The following ZNF697 variants were observed in gnomAD, a reference collection of about 807,000 sequenced individuals.
ZNF697 encodes zinc finger protein 697.
In ZNF697, 23 loss-of-function variants were observed where a neutral mutation model predicts 32.4. That is an observed-to-expected ratio of 0.71 (90% CI 0.51 to 1.01). The LOEUF is 1.01. Ranked by LOEUF, ZNF697 falls within the 50% of genes least tolerant of loss-of-function variation. The pLI, the probability that ZNF697 is intolerant of heterozygous loss-of-function variation, is 0.00. For missense variants in ZNF697, 930 were observed against 794.0 expected, an observed-to-expected ratio of 1.17 and a Z score of -2.06; for synonymous variants, 418 against 337.2, an observed-to-expected ratio of 1.24 and a Z score of -2.62.
intron 2 of ZNF697, among the ~76,000 whole-genome samples, chr1:119,625,500 A>T (rs1159308010): frequency 1.3e-5 from 2 of 152,232 alleles, no homozygotes; most frequent in African/African-American, 4.8e-5. Context: ...TCCTATTTGC[A>T]CAGTACTGTG....
intron 2 of ZNF697, among the ~76,000 whole-genome samples, chr1:119,625,045 C>G (rs1454681674): frequency 6.6e-6 from 1 of 151,720 alleles, no homozygotes; most frequent in Non-Finnish European, 1.5e-5. Flanking sequence ...GCTGGTGAGC[C>G]CAGGTTAGAG....
intron 1 of ZNF697, among the ~76,000 whole-genome samples, chr1:119,629,087 T>A (rs1648688250): frequency 6.6e-6 from 1 of 152,202 alleles, no homozygotes; most frequent in Non-Finnish European, 1.5e-5. Flanking sequence ...CAGGGATACA[T>A]ACCCTTGCAA....
At chr1:119,636,365 G>C (rs944925158) in intron 1 of ZNF697, among the ~76,000 whole-genome samples, 2 of 152,106 alleles carry the variant, frequency 1.3e-5, no homozygotes, top group African/African-American at 2.4e-5. Context: ...CAAAAACCCT[G>C]TTATAAACCA....
In ZNF697 at chr1:119,623,580, G is replaced by T. The variant is rs905703833; in HGVS notation, c.763C>A (p.Pro255Thr). The change falls in exon 3 of 3, where the codon CCC (proline) becomes ACC (threonine). Residue 255 changes from proline (P) to threonine (T), a missense_variant. Physicochemically the swap from Pro to Thr is conservative, Grantham distance 38. Coordinates refer to ENST00000421812, the MANE Select transcript of ZNF697 (RefSeq NM_001080470.2). The part of the protein sequence containing the change: ...GFGAGPPLAR[P>T]PREKPFRCGE... ...CAGCGGAAGGGCTTTTCGCGCGGGG[G>T]CCGGGCCAGCGGGGGCCCGGCCCCG... is the stretch of plus-strand genomic sequence containing the variant. 8 of 1,453,386 alleles carry T rather than the reference G, an allele frequency of 5.5e-6. No homozygotes were observed. In the African/African-American group the frequency reaches 1.2e-4, roughly 22 times the overall value. The allele number at this position is 1,453,386 out of a possible 1,614,324, so 90.0% of individuals were successfully genotyped here.
chr1:119,624,922 G>A (rs1648529133), intron 2 of ZNF697, among the ~76,000 whole-genome samples: 1 of 141,212 alleles, frequency 7.1e-6, no homozygotes, highest in Non-Finnish European at 1.5e-5. Context: ...CATTTGGTCA[G>A]TCTGAAACAG....
intron 1 of ZNF697, among the ~76,000 whole-genome samples, chr1:119,631,349 C>T (rs755239004): frequency 2.2e-4 from 34 of 152,238 alleles, no homozygotes; most frequent in Non-Finnish European, 4.1e-4. Context: ...AGAGGTAAAT[C>T]AGGGTGACCC....
rs1278688773 is a variant in ZNF697, at chr1:119,622,675, C to T, written c.*30G>A. On this transcript the variant is annotated 3_prime_UTR_variant, in exon 3 of 3. Coordinates refer to ENST00000421812, the MANE Select transcript of ZNF697 (RefSeq NM_001080470.2). Reference sequence around the variant, plus strand: ...AGGATATCTACCCCCCACAGGCTCCCCAGACGGCAGCCTCCCGCGGACCCA... The same window carrying T: ...AGGATATCTACCCCCCACAGGCTCCTCAGACGGCAGCCTCCCGCGGACCCA... 2 of 1,483,998 alleles carry T rather than the reference C, an allele frequency of 1.3e-6. No homozygotes were observed. The allele number at this position is 1,483,998 out of a possible 1,614,324, so 91.9% of individuals were successfully genotyped here. A position where few individuals can be genotyped will look rare whatever the true frequency, so the allele number is the denominator to read the frequency against.
rs587731398 is a variant in ZNF697 at position 119,622,039 on chromosome 1, G to C, written c.*666C>G. On this transcript the variant is annotated 3_prime_UTR_variant, in exon 3 of 3. Coordinates refer to ENST00000421812, the MANE Select transcript of ZNF697 (RefSeq NM_001080470.2). The stretch of plus-strand genomic sequence containing the variant: ...GACAGAATCAGGATTTCCCACATCA[G>C]AGAACCAGTTATAAATGAATTTCTA... 2.0e-5 allele frequency: 3 copies of C among 152,650 alleles called. No individual in the cohort carries two copies. The highest frequency in any genetic ancestry group is 4.4e-5 in the Non-Finnish European group (3 of 68,050). 9.5% of individuals were successfully genotyped at this position (152,650 alleles called of 1,614,324 possible).
intron 2 of ZNF697, 118 bp downstream of exon 2, chr1:119,625,757 A>G: frequency 7.4e-7 from 1 of 1,345,948 alleles, no homozygotes; most frequent in Non-Finnish European, 1.0e-6. Flanking sequence ...AATCCTGCTT[A>G]ATGGTCCCCT....
chr1:119,622,809 G>C lies in ZNF697; in HGVS notation c.1534C>G (p.Arg512Gly). The C allele has an allele frequency of 6.3e-7, 1 of 1,599,336 alleles. No individual in the cohort carries two copies. Among genetic ancestry groups the C allele is most frequent in the Non-Finnish European group, 8.5e-7 (1 of 1,172,240 alleles). ...FIQSSHLIRH[R>G]RIHTGNKPHK... ...GGCTTGTTGCCCGTGTGGATGCGGC[G>C]GTGGCGGATCAGGTGGGAGCTCTGG... The change falls in exon 3 of 3, where the codon CGC becomes GGC. Residue 512 changes from arginine to glycine, a missense_variant. Arg to Gly is a moderately radical substitution (Grantham distance 125). Coordinates refer to ENST00000421812, the MANE Select transcript of ZNF697 (RefSeq NM_001080470.2).
At chr1:119,638,826 T>C (rs897395507) in intron 1 of ZNF697, among the ~76,000 whole-genome samples, 1 of 152,188 alleles carries the variant, frequency 6.6e-6, no homozygotes, top group African/African-American at 2.4e-5. Context: ...CTGTCCCGCA[T>C]GTCCCATGTG....
At chr1:119,631,189 C>T (rs1384912893) in intron 1 of ZNF697, among the ~76,000 whole-genome samples, 1 of 152,240 alleles carries the variant, frequency 6.6e-6, no homozygotes, top group Non-Finnish European at 1.5e-5. Context: ...GCGCAGCTGC[C>T]GCCTCGCTGA....
intron 1 of ZNF697, among the ~76,000 whole-genome samples, chr1:119,633,996 G>A (rs1394833651): frequency 6.6e-6 from 1 of 152,172 alleles, no homozygotes; most frequent in Non-Finnish European, 1.5e-5. Context: ...TTCACTGAAG[G>A]ACAAAAGAGA....
At chr1:119,629,347 A>C (rs1277951357) in intron 1 of ZNF697, among the ~76,000 whole-genome samples, 7 of 152,356 alleles carry the variant, frequency 4.6e-5, no homozygotes, top group African/African-American at 1.7e-4. Flanking sequence ...CCATGGTATA[A>C]AGTGTCAGAT....
At chr1:119,624,619 G>A (rs371511557) in intron 2 of ZNF697, among the ~76,000 whole-genome samples, 39 of 152,192 alleles carry the variant, frequency 2.6e-4, no homozygotes, top group African/African-American at 9.4e-4. Context: ...TTTTGAGACA[G>A]AGTCTTGCTC....
In ZNF697 at chr1:119,622,518, T is replaced by G; in HGVS notation, c.*187A>C. On this transcript the variant is annotated 3_prime_UTR_variant, in exon 3 of 3. Transcript: ENST00000421812. Reference sequence around the variant, plus strand: ...AATTCTTCCGTGGAGAGGAGGCAAGTATAGCACCGGGAAAGACCAACTTAC... The same window carrying G: ...AATTCTTCCGTGGAGAGGAGGCAAGGATAGCACCGGGAAAGACCAACTTAC... The G allele has an allele frequency of 8.9e-7, 1 of 1,121,834 alleles. No homozygotes were observed. Among genetic ancestry groups the G allele is most frequent in the Non-Finnish European group, 1.2e-6 (1 of 825,686 alleles). The allele number at this position is 1,121,834 out of a possible 1,614,324, so 69.5% of individuals were successfully genotyped here.
Position 119,642,438 on chromosome 1 carries a change from AG to A in ZNF697, c.-38+5252del, listed in dbSNP as rs199544096. The stretch of plus-strand genomic sequence containing the variant: ...TATCACTCTGGAGCAGGATGCTGAG[AG>A]GGGGGGAGGCTGTACATGTGTGAGG... On this transcript the variant is annotated intron_variant, in intron 1 of 2. Transcript: ENST00000421812. Among the ~76,000 whole-genome samples the A allele has an allele frequency of 1.5e-3, 230 of 151,354 alleles. 2 individuals carry two copies. In the East Asian group the frequency reaches 0.037, roughly 24 times the overall value.
intron 1 of ZNF697, among the ~76,000 whole-genome samples, chr1:119,631,712 G>C (rs142241776): frequency 0.023 from 3,512 of 152,296 alleles, 139 homozygotes; most frequent in African/African-American, 0.081. Flanking sequence ...TGTCATGTCA[G>C]GGGAAGGAAG....
At chr1:119,638,745 G>A (rs1251619817) in intron 1 of ZNF697, among the ~76,000 whole-genome samples, 1 of 152,130 alleles carries the variant, frequency 6.6e-6, no homozygotes, top group Non-Finnish European at 1.5e-5. Context: ...CTGCACTCCA[G>A]ATCCACATTT....
Sources: allele counts gnomAD v4.1 joint callset (sites outside exome capture counted in the v4.1 genomes callset), GRCh38; gene constraint gnomAD v4.1.1; transcripts MANE v1.5; gene names NCBI Gene and HGNC (gene_info 2026-07-23, HGNC 2026-07-21).